The following COLGALT1 variants were observed in gnomAD, a reference collection of about 807,000 sequenced individuals.
COLGALT1 encodes the protein collagen beta(1-O)galactosyltransferase 1, also known as procollagen galactosyltransferase 1.
In COLGALT1, 43 loss-of-function variants were observed where a neutral mutation model predicts 60.8. The ratio of observed to expected loss-of-function variants is 0.71; its 90% CI spans 0.55 to 0.91. The LOEUF is 0.91. Among genes scored for constraint, COLGALT1 ranks in the 40% least tolerant of loss-of-function variants. The pLI is 0.00. For missense variants in COLGALT1, 845 were observed against 880.0 expected (o/e 0.96, Z 0.50); for synonymous variants, 369 against 374.2 (o/e 0.99, Z 0.16).
In COLGALT1 at chr19:17,555,954, CG is replaced by C; in HGVS notation, c.244del (p.Glu82SerfsTer27). 1 of 1,379,792 alleles carries C rather than the reference CG, an allele frequency of 7.2e-7. No homozygotes were observed. Among genetic ancestry groups the C allele is most frequent in the Admixed American group, 3.3e-5 (1 of 29,966 alleles). 85.5% of individuals were successfully genotyped at this position (1,379,792 alleles called of 1,614,324 possible). On this transcript the variant is annotated frameshift_variant, in exon 1 of 12. Transcript: ENST00000252599. LOFTEE classifies it high-confidence loss of function. ...CGCACTCGAGCGGCTGCGGCACCCG[CG>C]GGAGCGCACGGCGCTATGGTGAGTC... ...LGALERLRHP[R>X]ERTALWVATD...
chr19:17,569,668 C>G (rs1464301630), intron 5 of COLGALT1, among the ~76,000 whole-genome samples: 1 of 152,100 alleles, frequency 6.6e-6, no homozygotes, highest in South Asian at 2.1e-4. Flanking sequence ...AACTCCTGAC[C>G]CCAGGTGATC....
At chr19:17,581,063 T>C (rs1395668960) in intron 11 of COLGALT1, 114 bp from the exon 12 acceptor site, 1 of 1,402,938 alleles carries the variant, frequency 7.1e-7, no homozygotes, top group Admixed American at 1.9e-5. Context: ...TTGTATCCCC[T>C]GCACACTTAC....
chr19:17,581,386 C>A lies in COLGALT1; in HGVS notation c.1811C>A (p.Ala604Asp). 6.2e-7 allele frequency: 1 copy of A among 1,612,814 alleles called. No individual in the cohort carries two copies. Among genetic ancestry groups the A allele is most frequent in the South Asian group, 1.1e-5 (1 of 91,078 alleles). The change falls in exon 12 of 12, where the codon GCC becomes GAC. Residue 604 changes from alanine to aspartate, a missense_variant. Coordinates refer to ENST00000252599, the MANE Select transcript of COLGALT1 (RefSeq NM_024656.4). The stretch of plus-strand genomic sequence containing the variant: ...GAGCAGCAGGCACTGAGCCGTGAGG[C>A]CAAGAACTCGGACGTGCTCCAGTCC... ...MREQQALSRE[A>D]KNSDVLQSPL...
Position 17,581,416 on chromosome 19 carries a change from T to C in COLGALT1, c.1841T>C (p.Leu614Pro). 6.2e-7 allele frequency: 1 copy of C among 1,610,604 alleles called. No individual in the cohort carries two copies. The highest frequency in any genetic ancestry group is 8.5e-7 in the Non-Finnish European group (1 of 1,179,876). Reference sequence around the variant, plus strand: ...AACTCGGACGTGCTCCAGTCCCCACTGGACAGTGCTGCCCGGGATGAACTC... The same window carrying C: ...AACTCGGACGTGCTCCAGTCCCCACCGGACAGTGCTGCCCGGGATGAACTC... Reference protein sequence around the residue: ...AKNSDVLQSPLDSAARDEL With the variant: ...AKNSDVLQSPPDSAARDEL Residue 614 changes from leucine to proline, a missense_variant, in exon 12 of 12, where the codon CTG becomes CCG. Transcript: ENST00000252599.
chr19:17,577,181 T>G lies in COLGALT1; in HGVS notation c.950-14T>G. The G allele has an allele frequency of 6.2e-7, 1 of 1,612,542 alleles. No homozygotes were observed. The highest frequency in any genetic ancestry group is 2.2e-5 in the East Asian group (1 of 44,830). On this transcript the variant is annotated splice_polypyrimidine_tract_variant and intron_variant, in intron 6 of 11. Coordinates refer to ENST00000252599, the MANE Select transcript of COLGALT1 (RefSeq NM_024656.4). Reference sequence around the variant, plus strand: ...TCCTTACCCCAGCGACTCCTCAACGTCTGTGCCCCACAGTGAAGCACCCGC... The same window carrying G: ...TCCTTACCCCAGCGACTCCTCAACGGCTGTGCCCCACAGTGAAGCACCCGC...
chr19:17,557,641 G>A (rs1599774442), intron 1 of COLGALT1, among the ~76,000 whole-genome samples: 3 of 151,780 alleles, frequency 2.0e-5, no homozygotes, highest in East Asian at 2.0e-4. Flanking sequence ...TACATCTGTC[G>A]CCCAGGCGGG....
In COLGALT1 at chr19:17,581,487, G is replaced by C; in HGVS notation, c.*43G>C. 1 of 1,576,452 alleles carries C rather than the reference G, an allele frequency of 6.3e-7. No homozygotes were observed. The highest frequency in any genetic ancestry group is 8.6e-7 in the Non-Finnish European group (1 of 1,166,438). On this transcript the variant is annotated 3_prime_UTR_variant, in exon 12 of 12. Coordinates refer to ENST00000252599, the MANE Select transcript of COLGALT1 (RefSeq NM_024656.4). ...GCCAAAGCAGCCATCGGTGGCCCAG[G>C]CTCCACGTGCTTACTGAGGACATCA...
chr19:17,581,432 G>A lies in COLGALT1; in HGVS notation c.1857G>A (p.Arg619=). The A allele has an allele frequency of 6.2e-7, 1 of 1,608,014 alleles. No individual in the cohort carries two copies. Among genetic ancestry groups the A allele is most frequent in the Non-Finnish European group, 8.5e-7 (1 of 1,179,292 alleles). ...AGTCCCCACTGGACAGTGCTGCCCG[G>A]GATGAACTCTGAGGGGTAGCAGCCA... is the stretch of plus-strand genomic sequence containing the variant. ...VLQSPLDSAA[R]DEL is the part of the protein sequence containing the mutation. Residue 619 remains arginine, a synonymous_variant, in exon 12 of 12, where the codon CGG becomes CGA. Transcript: ENST00000252599.
At position 17,555,933 on chromosome 19, in the gene COLGALT1, C is replaced by A. The variant is rs1489316518; in HGVS notation, c.220C>A (p.Leu74Ile). The A allele has an allele frequency of 2.2e-6, 3 of 1,393,990 alleles. No individual in the cohort carries two copies. In the African/African-American group the frequency reaches 4.5e-5, roughly 21 times the overall value. 86.4% of individuals were successfully genotyped at this position (1,393,990 alleles called of 1,614,324 possible). The change falls in exon 1 of 12, where the codon CTC becomes ATC. Residue 74 changes from leucine to isoleucine, a missense_variant. Leu to Ile is a conservative substitution (Grantham distance 5). Transcript: ENST00000252599. ...CGCGTTGCCCACCACGCTGGGCGCA[C>A]TCGAGCGGCTGCGGCACCCGCGGGA... ...AHALPTTLGALERLRHPRERT... is the reference protein window; with the variant it reads ...AHALPTTLGAIERLRHPRERT...
chr19:17,579,549 A>G lies in COLGALT1; in HGVS notation c.1334A>G (p.Lys445Arg). Residue 445 changes from lysine (K) to arginine (R), a missense_variant, in exon 10 of 12, where the codon AAG (lysine) becomes AGG (arginine). Transcript: ENST00000252599. ...GACCTGCGTTTTGAGATCTTCTTCA[A>G]GAGACGTCTGATGAACCTCATGCGG... is the stretch of plus-strand genomic sequence containing the variant. ...EDDLRFEIFF[K>R]RRLMNLMRDV... 1 of 1,613,488 alleles carries G rather than the reference A, an allele frequency of 6.2e-7. No homozygotes were observed. The highest frequency in any genetic ancestry group is 1.7e-5 in the Admixed American group (1 of 59,946).
intron 3 of COLGALT1, among the ~76,000 whole-genome samples, chr19:17,564,159 G>T (rs1054439047): frequency 6.6e-6 from 1 of 151,836 alleles, no homozygotes; most frequent in African/African-American, 2.4e-5. Context: ...GAGGTGGGAG[G>T]ATTGCTTGAG....
chr19:17,570,636 G>T (rs1388105307), intron 5 of COLGALT1, among the ~76,000 whole-genome samples: 1 of 152,082 alleles, frequency 6.6e-6, no homozygotes, highest in Non-Finnish European at 1.5e-5. Flanking sequence ...CATGATCTCA[G>T]CTCACTGCAA....
At chr19:17,579,801 G>T (rs1451821233) in intron 10 of COLGALT1, 192 bp downstream of exon 10, 3 of 669,490 alleles carry the variant, frequency 4.5e-6, no homozygotes, top group African/African-American at 1.8e-5. Context: ...AGGCGGAGTG[G>T]AGCTGAATCC....
At chr19:17,562,214 A>G (rs1172311215) in intron 3 of COLGALT1, among the ~76,000 whole-genome samples, 1 of 152,334 alleles carries the variant, frequency 6.6e-6, no homozygotes, top group East Asian at 1.9e-4. Context: ...AAGAAAAAGC[A>G]AAGAGTCAAG....
At chr19:17,579,267 C>G (rs1280439531) in intron 9 of COLGALT1, among the ~76,000 whole-genome samples, 1 of 151,958 alleles carries the variant, frequency 6.6e-6, no homozygotes, top group African/African-American at 2.4e-5. Context: ...GAGGCGTGGG[C>G]ATTTGAGGGG....
chr19:17,561,513 C>A (rs1462064951), intron 3 of COLGALT1, among the ~76,000 whole-genome samples: 1 of 151,592 alleles, frequency 6.6e-6, no homozygotes, highest in African/African-American at 2.4e-5. Context: ...CTTGCACTTC[C>A]TCCTCCTGTG....
intron 3 of COLGALT1, among the ~76,000 whole-genome samples, chr19:17,564,517 A>G (rs1255875154): frequency 2.0e-5 from 3 of 150,478 alleles, no homozygotes; most frequent in Non-Finnish European, 4.4e-5. Context: ...TCTGGGTTCA[A>G]GCAATTTTCC....
chr19:17,570,021 C>A (rs1475531701), intron 5 of COLGALT1, among the ~76,000 whole-genome samples: 2 of 146,522 alleles, frequency 1.4e-5, no homozygotes, highest in African/African-American at 5.1e-5. Context: ...CAGCTTTCCG[C>A]GTAGCTGGGA....
At position 17,582,834 on chromosome 19, in the gene COLGALT1, GT is replaced by G. The variant is rs1179698237; in HGVS notation, c.*1392del. 3 of 152,330 alleles carry G rather than the reference GT, an allele frequency of 2.0e-5. No homozygotes were observed. In the East Asian group the frequency reaches 5.8e-4, roughly 29 times the overall value. The allele number at this position is 152,330 out of a possible 1,614,324, so 9.4% of individuals were successfully genotyped here. ...GTTAGCCCCCCTGGAGGGGGCGCCAGTTGGAGACGGGGGCTGGGTGTCCCTG... is the reference window on the plus strand; with the variant it reads ...GTTAGCCCCCCTGGAGGGGGCGCCAGTGGAGACGGGGGCTGGGTGTCCCTG... On this transcript the variant is annotated 3_prime_UTR_variant, in exon 12 of 12. Coordinates refer to ENST00000252599, the MANE Select transcript of COLGALT1 (RefSeq NM_024656.4).
Sources: gnomAD v4.1 joint callset for allele counts (sites outside exome capture counted in the v4.1 genomes callset) on GRCh38, gnomAD v4.1.1 for gene constraint, MANE v1.5 for transcripts, NCBI Gene and HGNC (gene_info 2026-07-23, HGNC 2026-07-21) for gene names.